AKAP1: variants seen among roughly 807,000 people sequenced by gnomAD.
AKAP1 encodes the protein A-kinase anchoring protein 1.
AKAP1 carries 32 observed loss-of-function variants against 79.8 expected under a neutral mutation model. The observed-to-expected ratio is 0.40, with a 90% CI of 0.30 to 0.54. The LOEUF (loss-of-function observed/expected upper bound fraction) is 0.54. Among genes scored for constraint, AKAP1 ranks in the 20% least tolerant of loss-of-function variants. The pLI is 0.47. For synonymous variants in AKAP1, 416 were observed against 466.7 expected (o/e 0.89, Z 1.40); for missense variants, 961 against 1,138.9 (o/e 0.84, Z 2.25).
In AKAP1 at chr17:57,106,235, G is replaced by T; in HGVS notation, c.771G>T (p.Val257=). The change falls in exon 2 of 11, where the codon GTG becomes GTT. Residue 257 remains valine (V), a synonymous_variant. Coordinates refer to ENST00000337714, the MANE Select transcript of AKAP1 (RefSeq NM_003488.4). ...KSSSSQVVGP[V]QEEEYVAEKL... ...GCTCATCCCAGGTGGTGGGGCCAGT[G>T]CAGGAGGAAGAGTATGTAGCAGAGA... 6.2e-7 allele frequency: 1 copy of T among 1,614,218 alleles called. No homozygotes were observed. Among genetic ancestry groups the T allele is most frequent in the Non-Finnish European group, 8.5e-7 (1 of 1,180,052 alleles).
At chr17:57,093,900 T>G (rs887770725) in intron 1 of AKAP1, 2 of 152,180 alleles carry the variant, frequency 1.3e-5, no homozygotes, top group Admixed American at 6.5e-5. Context: ...GTTCCTATGC[T>G]TTTTTCTTCC....
chr17:57,105,640 C>A lies in AKAP1; in HGVS notation c.176C>A (p.Pro59His). The change falls in exon 2 of 11, where the codon CCC (proline) becomes CAC (histidine). Residue 59 changes from proline (P) to histidine (H), a missense_variant. By Grantham distance (77) the Pro-to-His change is moderately conservative. Coordinates refer to ENST00000337714, the MANE Select transcript of AKAP1 (RefSeq NM_003488.4). ...GACCCTGCCATCAAGGAACCTCTCC[C>A]CGTGGAAGACGTCTGTCCCAAAGTA... ...RADPAIKEPLPVEDVCPKVVS... is the reference protein window; with the variant it reads ...RADPAIKEPLHVEDVCPKVVS... 6.2e-7 allele frequency: 1 copy of A among 1,614,132 alleles called. No homozygotes were observed. Among genetic ancestry groups the A allele is most frequent in the Non-Finnish European group, 8.5e-7 (1 of 1,180,010 alleles).
intron 6 of AKAP1, among the ~76,000 whole-genome samples, chr17:57,115,369 C>T (rs1915516769): frequency 6.6e-6 from 1 of 152,162 alleles, no homozygotes; most frequent in Non-Finnish European, 1.5e-5. Flanking sequence ...GTTGCCTTAA[C>T]CCAGCAGTAA....
chr17:57,095,097 C>T (rs1438925305), intron 1 of AKAP1: 1 of 152,166 alleles, frequency 6.6e-6, no homozygotes, highest in East Asian at 1.9e-4. Context: ...ACTTCCATGT[C>T]CTATGGACAA....
chr17:57,100,811 T>TC (rs1914460450), intron 1 of AKAP1, among the ~76,000 whole-genome samples: 1 of 151,842 alleles, frequency 6.6e-6, no homozygotes, highest in East Asian at 1.9e-4. Flanking sequence ...GTCCTTACTC[T>TC]TTTTTTTTAA....
chr17:57,091,857 T>TA (rs954471808), intron 1 of AKAP1, among the ~76,000 whole-genome samples: 5 of 151,908 alleles, frequency 3.3e-5, no homozygotes, highest in African/African-American at 4.8e-5. Context: ...CCTGGCTAGT[T>TA]AAAAAAATTT....
chr17:57,090,333 A>C (rs1913709324), intron 1 of AKAP1, among the ~76,000 whole-genome samples: 1 of 134,072 alleles, frequency 7.5e-6, no homozygotes, highest in Admixed American at 7.6e-5. Flanking sequence ...TTTCTGTGTC[A>C]TTTTTATTCT....
intron 10 of AKAP1, 105 bp from the exon 11 acceptor site, chr17:57,120,145 A>G (rs1490752545): frequency 3.1e-6 from 3 of 953,200 alleles, no homozygotes; most frequent in East Asian, 2.4e-5. Flanking sequence ...ACTCTCATAC[A>G]TCTGTTGCCT....
chr17:57,110,648 AC>A (rs1915183460), intron 3 of AKAP1, among the ~76,000 whole-genome samples: 1 of 152,216 alleles, frequency 6.6e-6, no homozygotes, highest in Non-Finnish European at 1.5e-5. Context: ...ACTGTGAAAG[AC>A]TTTTATTTCC....
intron 1 of AKAP1, among the ~76,000 whole-genome samples, chr17:57,087,378 G>C (rs1913525494): frequency 6.6e-6 from 1 of 152,230 alleles, no homozygotes; most frequent in South Asian, 2.1e-4. Context: ...TCTGTTGTAA[G>C]TGGCCTGCTC....
intron 1 of AKAP1, among the ~76,000 whole-genome samples, chr17:57,102,279 C>T (rs1193130933): frequency 6.6e-6 from 1 of 151,924 alleles, no homozygotes; most frequent in African/African-American, 2.4e-5. Context: ...TTAAAGATGC[C>T]AAGTGTGGGA....
intron 8 of AKAP1, among the ~76,000 whole-genome samples, chr17:57,118,129 T>C (rs988888004): frequency 6.6e-6 from 1 of 151,722 alleles, no homozygotes; most frequent in Non-Finnish European, 1.5e-5. Context: ...GTGTTAGTGG[T>C]GAAGTTTCTG....
chr17:57,100,428 A>AACACACACACACACACACACACACACAC (rs71363890), intron 1 of AKAP1, among the ~76,000 whole-genome samples: 18 of 149,702 alleles, frequency 1.2e-4, no homozygotes, highest in African/African-American at 4.0e-4. Flanking sequence ...TCTCTGCTAA[A>AACACACACACACACACACACACACACAC]ACACACACAC....
At chr17:57,107,236 A>G (rs1269699911) in intron 2 of AKAP1, 58 bp downstream of exon 2, 2 of 1,530,518 alleles carry the variant, frequency 1.3e-6, no homozygotes. Context: ...TCTTGGAGAA[A>G]GGCTGCCAGT....
At chr17:57,087,890 G>C (rs1171695026) in intron 1 of AKAP1, among the ~76,000 whole-genome samples, 1 of 152,198 alleles carries the variant, frequency 6.6e-6, no homozygotes, top group Non-Finnish European at 1.5e-5. Flanking sequence ...TGGCCGTAGA[G>C]TTCCCCTAGG....
intron 1 of AKAP1, among the ~76,000 whole-genome samples, chr17:57,090,794 C>T (rs921713606): frequency 3.0e-4 from 45 of 152,314 alleles, no homozygotes; most frequent in African/African-American, 1.0e-3. Context: ...CAAGTAATGA[C>T]TATGAATAAA....
At chr17:57,118,733 C>G (rs77947841) in intron 9 of AKAP1, among the ~76,000 whole-genome samples, 7,355 of 152,148 alleles carry the variant, frequency 0.048, 274 homozygotes, top group Admixed American at 0.13. Context: ...AGGGAAGAGG[C>G]ACGTCTTACA....
intron 1 of AKAP1, among the ~76,000 whole-genome samples, chr17:57,091,798 C>T (rs1597958672): frequency 6.6e-6 from 1 of 152,056 alleles, no homozygotes; most frequent in African/African-American, 2.4e-5. Context: ...AAGGGATCCT[C>T]CTGCCTCAGC....
At position 57,086,457 on chromosome 17, in the gene AKAP1, G is replaced by T. The variant is rs1314538222; in HGVS notation, c.-25+1059G>T. On this transcript the variant is annotated intron_variant, in intron 1 of 10. Coordinates refer to ENST00000337714, the MANE Select transcript of AKAP1 (RefSeq NM_003488.4). The surrounding 1 kb of genome is among the most constrained non-coding windows in gnomAD (Gnocchi z 5.1). ...GGCATGGGAGCCCTGGGCGTTTCGG[G>T]ATCTTCCTCTCCTGGGGGATGTCCT... is the stretch of plus-strand genomic sequence containing the variant. 1 of 456,356 alleles carries T rather than the reference G, an allele frequency of 2.2e-6. No individual in the cohort carries two copies. Among genetic ancestry groups the T allele is most frequent in the Admixed American group, 2.3e-5 (1 of 42,566 alleles). 28.3% of individuals were successfully genotyped at this position (456,356 alleles called of 1,614,324 possible).
Sources: gnomAD v4.1 joint callset for allele counts (sites outside exome capture counted in the v4.1 genomes callset) on GRCh38, gnomAD v4.1.1 for gene constraint, Gnocchi (gnomAD v3.1) non-coding constraint, MANE v1.5 for transcripts, NCBI Gene and HGNC (gene_info 2026-07-23, HGNC 2026-07-21) for gene names.